The following VGLL4 variants were observed in gnomAD, a reference collection of about 807,000 sequenced individuals.
VGLL4 encodes the protein vestigial like family member 4, also known as transcription cofactor vestigial-like protein 4.
A neutral mutation model predicts 21.0 loss-of-function variants in VGLL4; 7 were observed. The observed-to-expected ratio is 0.33, with a 90% CI of 0.19 to 0.63. VGLL4 has a LOEUF of 0.63. Ranked by LOEUF, VGLL4 falls within the 20% of genes least tolerant of loss-of-function variation. VGLL4 has a pLI of 0.78. For synonymous variants in VGLL4, 222 were observed against 173.2 expected (o/e 1.28, Z -2.21); for missense variants, 394 against 425.7 (o/e 0.93, Z 0.66).
intron 2 of VGLL4, among the ~76,000 whole-genome samples, chr3:11,667,766 A>G (rs940184700): frequency 6.6e-6 from 1 of 150,582 alleles, no homozygotes; most frequent in African/African-American, 2.4e-5. Context: ...TCTTTGTTCT[A>G]CAATTAACAA....
At chr3:11,631,956 A>G (rs17034904) in intron 1 of VGLL4, among the ~76,000 whole-genome samples, 3,755 of 152,250 alleles carry the variant, frequency 0.025, 136 homozygotes, top group African/African-American at 0.084. Flanking sequence ...GTCCTATTCA[A>G]GGCAGCGTTA....
chr3:11,660,339 T>G (rs1276292031), intron 2 of VGLL4, among the ~76,000 whole-genome samples: 3 of 152,190 alleles, frequency 2.0e-5, no homozygotes, highest in Non-Finnish European at 4.4e-5. Flanking sequence ...TCTCCTTTGA[T>G]CATACCACTT....
At position 11,673,662 on chromosome 3, in the gene VGLL4, C is replaced by A. The variant is rs78921294; in HGVS notation, c.64+29309G>T. On this transcript the variant is annotated intron_variant, in intron 2 of 5. Coordinates refer to the VGLL4 transcript ENST00000273038. ...ATTTGAAATTTCAGAACACTAGGGACAAACAGAAGATCCCAACAGTTTCCA... is the reference window on the plus strand; with the variant it reads ...ATTTGAAATTTCAGAACACTAGGGAAAAACAGAAGATCCCAACAGTTTCCA... Among the ~76,000 whole-genome samples the A allele has an allele frequency of 9.9e-5, 15 of 152,134 alleles. No homozygotes were observed. In the East Asian group the frequency reaches 2.9e-3, roughly 29 times the overall value.
At position 11,558,748 on chromosome 3, in the gene VGLL4, T is replaced by C. The variant is rs1442695936; in HGVS notation, c.699A>G (p.Ala233=). Residue 233 remains alanine (A), a synonymous_variant, in exon 5 of 5, where the codon GCA becomes GCG. Coordinates refer to ENST00000430365, the MANE Select transcript of VGLL4 (RefSeq NM_001128219.3). The part of the protein sequence containing the change: ...LGKNYKEPEP[A]PNSVSITGSV... ...AGCCCGTGATGGACACGGAGTTGGG[T>C]GCCGGCTCGGGCTCCTTGTAATTCT... 2 of 1,614,140 alleles carry C rather than the reference T, an allele frequency of 1.2e-6. No individual in the cohort carries two copies. Among genetic ancestry groups the C allele is most frequent in the African/African-American group, 1.3e-5 (1 of 75,028 alleles).
At position 11,558,545 on chromosome 3, in the gene VGLL4, A is replaced by G. The variant is rs776006826; in HGVS notation, c.*11T>C. On this transcript the variant is annotated 3_prime_UTR_variant, in exon 5 of 5. Coordinates refer to ENST00000430365, the MANE Select transcript of VGLL4 (RefSeq NM_001128219.3). ...ATGCAGATCCACGTGTTGTTGGAGGAGGCGCTCCCTTCAGGAGACCACAGA... is the reference window on the plus strand; with the variant it reads ...ATGCAGATCCACGTGTTGTTGGAGGGGGCGCTCCCTTCAGGAGACCACAGA... The G allele has an allele frequency of 6.8e-5, 96 of 1,411,868 alleles. No individual in the cohort carries two copies. In the Middle Eastern group the frequency reaches 1.2e-3, roughly 17 times the overall value. The allele number at this position is 1,411,868 out of a possible 1,614,324, so 87.5% of individuals were successfully genotyped here. A position where few individuals can be genotyped will look rare whatever the true frequency, so the allele number is the denominator to read the frequency against.
intron 1 of VGLL4, among the ~76,000 whole-genome samples, chr3:11,624,127 G>A (rs1300790530): frequency 6.6e-6 from 1 of 152,112 alleles, no homozygotes; most frequent in Non-Finnish European, 1.5e-5. Flanking sequence ...GATGACCTAC[G>A]TCAGAATCAC....
intron 1 of VGLL4, among the ~76,000 whole-genome samples, chr3:11,638,534 T>C (rs1490318075): frequency 6.6e-6 from 1 of 152,126 alleles, no homozygotes; most frequent in African/African-American, 2.4e-5. Flanking sequence ...TCTCTCTCTC[T>C]GTCTCCCCCT....
intron 3 of VGLL4, among the ~76,000 whole-genome samples, chr3:11,563,714 G>A (rs913174122): frequency 3.9e-5 from 6 of 152,202 alleles, no homozygotes; most frequent in Non-Finnish European, 8.8e-5. Flanking sequence ...ACTGCATCTT[G>A]CTTGACTGGC....
chr3:11,610,941 C>T (rs879287739), intron 1 of VGLL4, among the ~76,000 whole-genome samples: 9 of 152,154 alleles, frequency 5.9e-5, no homozygotes, highest in African/African-American at 9.7e-5. Context: ...GCCTTGCAGC[C>T]GGGGAAACTA....
upstream of VGLL4, among the ~76,000 whole-genome samples, chr3:11,646,345 T>C (rs144114661): frequency 1.1e-3 from 170 of 152,338 alleles, no homozygotes; most frequent in African/African-American, 3.8e-3. Context: ...CGTTTTTACA[T>C]AAATTCTCAA....
chr3:11,586,716 T>A (rs1286292508), intron 2 of VGLL4, among the ~76,000 whole-genome samples: 1 of 152,210 alleles, frequency 6.6e-6, no homozygotes, highest in South Asian at 2.1e-4. Flanking sequence ...GATTTCTGTA[T>A]CCTCGAGGGT....
intron 1 of VGLL4, among the ~76,000 whole-genome samples, chr3:11,718,131 C>T (rs537607855): frequency 2.6e-5 from 4 of 152,126 alleles, no homozygotes; most frequent in South Asian, 4.2e-4. Flanking sequence ...GGCAGGCTGC[C>T]CAGAAGTGTG....
chr3:11,649,750 G>A (rs1255231897), intron 2 of VGLL4, among the ~76,000 whole-genome samples: 1 of 152,172 alleles, frequency 6.6e-6, no homozygotes, highest in African/African-American at 2.4e-5. Context: ...ATAGACATGT[G>A]TACGTGCTTT....
chr3:11,677,957 C>T (rs1402922950), intron 2 of VGLL4, among the ~76,000 whole-genome samples: 1 of 151,474 alleles, frequency 6.6e-6, no homozygotes, highest in African/African-American at 2.4e-5. Context: ...AATGTGTAGC[C>T]ATATTGCTTT....
In VGLL4 at chr3:11,653,841, TACTTCGC is replaced by T. The variant is rs2075915552; in HGVS notation, c.64+49123_64+49129del. Among the ~76,000 whole-genome samples, 1 of 152,186 alleles carries T rather than the reference TACTTCGC, an allele frequency of 6.6e-6. No individual in the cohort carries two copies. The highest frequency in any genetic ancestry group is 1.5e-5 in the Non-Finnish European group (1 of 68,026). On this transcript the variant is annotated intron_variant, in intron 2 of 5. Coordinates refer to the VGLL4 transcript ENST00000273038. The surrounding 1 kb of genome is among the most constrained non-coding windows in gnomAD (Gnocchi z 4.2). ...GTCTGGAGCAGCCACACTACGACTT[TACTTCGC>T]ACTTCTCTGATGGACAGTAAGAACT...
At chr3:11,569,665 A>T (rs892762891) in intron 2 of VGLL4, among the ~76,000 whole-genome samples, 1 of 152,324 alleles carries the variant, frequency 6.6e-6, no homozygotes, top group South Asian at 2.1e-4. Flanking sequence ...TTACAGGAGA[A>T]TCCGACATCT....
chr3:11,676,750 G>A (rs1323081187), intron 2 of VGLL4, among the ~76,000 whole-genome samples: 1 of 151,942 alleles, frequency 6.6e-6, no homozygotes, highest in African/African-American at 2.4e-5. Flanking sequence ...AAACTGAAAA[G>A]AAAAAGAATA....
At chr3:11,691,471 T>G (rs950634364) in intron 2 of VGLL4, among the ~76,000 whole-genome samples, 1 of 152,124 alleles carries the variant, frequency 6.6e-6, no homozygotes, top group Non-Finnish European at 1.5e-5. Context: ...GCCCCTGATC[T>G]GTATAGCATT....
chr3:11,707,915 G>A (rs777423161), intron 1 of VGLL4, among the ~76,000 whole-genome samples: 2 of 152,084 alleles, frequency 1.3e-5, no homozygotes, highest in Admixed American at 6.6e-5. Context: ...CCTATCCACA[G>A]CACTAAATAA....
Sources: gnomAD v4.1 joint callset for allele counts (sites outside exome capture counted in the v4.1 genomes callset) on GRCh38, gnomAD v4.1.1 for gene constraint, Gnocchi (gnomAD v3.1) non-coding constraint, MANE v1.5 for transcripts, NCBI Gene and HGNC (gene_info 2026-07-23, HGNC 2026-07-21) for gene names.